ZNF804B: variants seen among roughly 807,000 people sequenced by gnomAD.
ZNF804B encodes the protein zinc finger protein 804B.
In ZNF804B, 80 loss-of-function variants were observed where a neutral mutation model predicts 101.4. The ratio of observed to expected loss-of-function variants is 0.79; its 90% confidence interval spans 0.66 to 0.95. ZNF804B has a LOEUF of 0.95. ZNF804B is among the 40% of genes least tolerant of loss of function. The probability of loss-of-function intolerance (pLI) is 0.00; values close to 1 mark genes in which losing one functional copy is unlikely to be tolerated. For missense variants in ZNF804B, 1,673 were observed against 1,561.9 expected (o/e 1.07, Z -1.20); for synonymous variants, 622 against 558.8 (o/e 1.11, Z -1.59).
intron 2 of ZNF804B, among the ~76,000 whole-genome samples, chr7:89,286,236 T>A (rs1028402017): frequency 6.6e-6 from 1 of 152,018 alleles, no homozygotes; most frequent in African/African-American, 2.4e-5. Context: ...TAAGGCTCAT[T>A]ACACACAATC....
At chr7:89,024,465 T>C (rs1196336508) in intron 1 of ZNF804B, among the ~76,000 whole-genome samples, 1 of 152,044 alleles carries the variant, frequency 6.6e-6, no homozygotes, top group South Asian at 2.1e-4. Flanking sequence ...AATGAGGCTG[T>C]CTCTAAGGTT....
intron 1 of ZNF804B, among the ~76,000 whole-genome samples, chr7:89,010,153 A>G (rs999156789): frequency 6.6e-6 from 1 of 152,174 alleles, no homozygotes; most frequent in Non-Finnish European, 1.5e-5. Flanking sequence ...ATAATAAAAG[A>G]TAATAATACT....
intron 1 of ZNF804B, among the ~76,000 whole-genome samples, chr7:88,953,820 T>G (rs1793260154): frequency 6.6e-6 from 1 of 151,806 alleles, no homozygotes; most frequent in Non-Finnish European, 1.5e-5. Context: ...AATATAAATA[T>G]ATGTTTAATA....
At chr7:89,248,668 C>T (rs1021443756) in intron 2 of ZNF804B, among the ~76,000 whole-genome samples, 1 of 151,950 alleles carries the variant, frequency 6.6e-6, no homozygotes, top group South Asian at 2.1e-4. Context: ...AAGTACAATA[C>T]CTGCTACCAC....
At chr7:89,283,363 A>T (rs1256027635) in intron 2 of ZNF804B, among the ~76,000 whole-genome samples, 2 of 152,218 alleles carry the variant, frequency 1.3e-5, no homozygotes, top group East Asian at 3.8e-4. Flanking sequence ...ATCACATAAT[A>T]CTTGGTATCA....
intron 2 of ZNF804B, among the ~76,000 whole-genome samples, chr7:89,306,751 G>C (rs1044273365): frequency 5.9e-5 from 9 of 151,794 alleles, no homozygotes; most frequent in Non-Finnish European, 1.3e-4. Flanking sequence ...TATAGAAATG[G>C]TTATAACTTG....
At chr7:89,076,429 T>A (rs1351405229) in intron 1 of ZNF804B, among the ~76,000 whole-genome samples, 1 of 152,192 alleles carries the variant, frequency 6.6e-6, no homozygotes, top group Non-Finnish European at 1.5e-5. Context: ...CGTGACTTGC[T>A]TCTCCTTGCC....
At chr7:89,143,858 C>G (rs1337189984) in intron 1 of ZNF804B, among the ~76,000 whole-genome samples, 1 of 151,896 alleles carries the variant, frequency 6.6e-6, no homozygotes, top group South Asian at 2.1e-4. Context: ...TTTTCATGAA[C>G]TTTTTGAAAA....
intron 1 of ZNF804B, among the ~76,000 whole-genome samples, chr7:88,805,841 A>G (rs1353961116): frequency 6.6e-6 from 1 of 152,072 alleles, no homozygotes; most frequent in East Asian, 1.9e-4. Flanking sequence ...TTAACTACAT[A>G]TGTGCCACTG....
At chr7:89,117,828 G>T (rs999431328) in intron 1 of ZNF804B, among the ~76,000 whole-genome samples, 2 of 152,062 alleles carry the variant, frequency 1.3e-5, no homozygotes, top group African/African-American at 2.4e-5. Context: ...ACCACACTTT[G>T]AAACTTTAAA....
At chr7:89,224,467 C>T (rs116389571) in intron 2 of ZNF804B, among the ~76,000 whole-genome samples, 5,620 of 152,084 alleles carry the variant, frequency 0.037, 108 homozygotes, top group Admixed American at 0.044. Flanking sequence ...TAATCTAATT[C>T]CCTTTTTTTG....
At chr7:89,044,086 C>A (rs774499079) in intron 1 of ZNF804B, among the ~76,000 whole-genome samples, 4 of 152,158 alleles carry the variant, frequency 2.6e-5, no homozygotes, top group Non-Finnish European at 5.9e-5. Flanking sequence ...GCATAATCCC[C>A]ACATGTCCTG....
At chr7:89,160,383 T>G (rs1384580154) in intron 1 of ZNF804B, among the ~76,000 whole-genome samples, 1 of 152,150 alleles carries the variant, frequency 6.6e-6, no homozygotes, top group Non-Finnish European at 1.5e-5. Flanking sequence ...TGGGGAATGC[T>G]TAAAAATGAT....
chr7:88,948,750 G>A (rs1353016274), intron 1 of ZNF804B, among the ~76,000 whole-genome samples: 1 of 151,802 alleles, frequency 6.6e-6, no homozygotes, highest in Non-Finnish European at 1.5e-5. Context: ...GGGGACCACC[G>A]AAGTGACATT....
chr7:88,809,468 CAATTTT>C (rs1790748324), intron 1 of ZNF804B, among the ~76,000 whole-genome samples: 1 of 152,150 alleles, frequency 6.6e-6, no homozygotes, highest in Admixed American at 6.5e-5. Context: ...GTCAGCCAGG[CAATTTT>C]AAAGGAATTG....
chr7:88,779,869 G>T (rs1790196718), intron 1 of ZNF804B, among the ~76,000 whole-genome samples: 1 of 152,134 alleles, frequency 6.6e-6, no homozygotes, highest in South Asian at 2.1e-4. Flanking sequence ...TAGGATCAGT[G>T]TCTTCTTTAT....
intron 1 of ZNF804B, among the ~76,000 whole-genome samples, chr7:89,031,873 G>T (rs567082466): frequency 6.6e-6 from 1 of 151,924 alleles, no homozygotes; most frequent in African/African-American, 2.4e-5. Flanking sequence ...AATCAATGTC[G>T]TTCTGAGGCT....
intron 1 of ZNF804B, among the ~76,000 whole-genome samples, chr7:88,997,760 G>A (rs1335257802): frequency 6.6e-6 from 1 of 152,048 alleles, no homozygotes; most frequent in East Asian, 1.9e-4. Context: ...TATTCATTTA[G>A]AAGTTTTCTC....
chr7:88,795,160 TAAAAC>T (rs1463939709), intron 1 of ZNF804B: 4 of 407,612 alleles, frequency 9.8e-6, no homozygotes, highest in Non-Finnish European at 1.7e-5. Context: ...AAGACAATGT[TAAAAC>T]AATACTCAAA....
Sources: gnomAD v4.1 joint callset for allele counts (sites outside exome capture counted in the v4.1 genomes callset) on GRCh38, gnomAD v4.1.1 for gene constraint, MANE v1.5 for transcripts, NCBI Gene and HGNC (gene_info 2026-07-23, HGNC 2026-07-21) for gene names.